Variants in CTNND2 observed in about 807,000 individuals in gnomAD.
CTNND2 encodes the protein catenin delta-2.
Under a neutral mutation model 144.4 loss-of-function variants are expected in CTNND2, and 22 were observed. That is an observed-to-expected ratio of 0.15 (90% CI 0.11 to 0.22). CTNND2 has a LOEUF of 0.22. CTNND2 is among the 10% of genes least tolerant of loss of function. CTNND2 has a pLI of 1.00. For missense variants in CTNND2, 1,353 were observed against 1,618.8 expected, an observed-to-expected ratio of 0.84 and a Z score of 2.82; for synonymous variants, 751 against 695.6, an observed-to-expected ratio of 1.08 and a Z score of -1.25.
intron 14 of CTNND2, among the ~76,000 whole-genome samples, chr5:11,110,578 C>T (rs1021980703): frequency 2.6e-5 from 4 of 152,120 alleles, no homozygotes; most frequent in Admixed American, 6.5e-5. Context: ...ATTAACACAG[C>T]GCCTGCTCAG....
intron 18 of CTNND2, among the ~76,000 whole-genome samples, chr5:11,008,361 ATT>A (rs1266895530): frequency 1.3e-5 from 2 of 152,036 alleles, no homozygotes; most frequent in African/African-American, 4.8e-5. Context: ...TATAAGAGAG[ATT>A]TGGGGGGTCA....
At chr5:11,877,292 C>T (rs934874293) in intron 1 of CTNND2, among the ~76,000 whole-genome samples, 1 of 152,032 alleles carries the variant, frequency 6.6e-6, no homozygotes, top group Non-Finnish European at 1.5e-5. Flanking sequence ...GAGATGAGTA[C>T]TTAGTTCACT....
At chr5:11,894,820 G>A (rs1400329998) in intron 1 of CTNND2, among the ~76,000 whole-genome samples, 1 of 152,192 alleles carries the variant, frequency 6.6e-6, no homozygotes, top group Non-Finnish European at 1.5e-5. Flanking sequence ...CCAGGGTGCT[G>A]CAGTGTCTGT....
intron 9 of CTNND2, among the ~76,000 whole-genome samples, chr5:11,321,233 T>C (rs1752000405): frequency 6.6e-6 from 1 of 152,202 alleles, no homozygotes; most frequent in Admixed American, 6.5e-5. Flanking sequence ...TCTACATATG[T>C]GTGTTGCAAC....
intron 9 of CTNND2, among the ~76,000 whole-genome samples, chr5:11,290,144 T>C (rs1291377931): frequency 1.3e-5 from 2 of 152,188 alleles, no homozygotes; most frequent in Non-Finnish European, 2.9e-5. Flanking sequence ...CATTTTTACA[T>C]GGTTTTACAA....
At chr5:11,064,576 T>G (rs1002650077) in intron 16 of CTNND2, among the ~76,000 whole-genome samples, 1 of 151,900 alleles carries the variant, frequency 6.6e-6, no homozygotes, top group Non-Finnish European at 1.5e-5. Context: ...ACTCTTCACA[T>G]GCAGTAAGGG....
intron 2 of CTNND2, among the ~76,000 whole-genome samples, chr5:11,615,063 T>C (rs537010365): frequency 5.9e-5 from 9 of 152,338 alleles, no homozygotes; most frequent in African/African-American, 1.9e-4. Context: ...CATTAAGCAA[T>C]GTAGAAGAGA....
At chr5:11,255,198 G>A (rs894038471) in intron 9 of CTNND2, among the ~76,000 whole-genome samples, 1 of 152,076 alleles carries the variant, frequency 6.6e-6, no homozygotes, top group Non-Finnish European at 1.5e-5. Context: ...GTAAATAGAA[G>A]AAGGGAAAAA....
At chr5:11,707,085 CAA>C (rs372658494) in intron 2 of CTNND2, among the ~76,000 whole-genome samples, 4,380 of 103,046 alleles carry the variant, frequency 0.043, 230 homozygotes, top group African/African-American at 0.14. Flanking sequence ...TACTCCATCT[CAA>C]AAAAAAAAAA....
Position 11,904,078 on chromosome 5 carries a change from G to T in CTNND2, c.-225C>A. 1 of 226,044 alleles carries T rather than the reference G, an allele frequency of 4.4e-6. No homozygotes were observed. Among genetic ancestry groups the T allele is most frequent in the Non-Finnish European group, 7.9e-6 (1 of 126,372 alleles). The allele number at this position is 226,044 out of a possible 1,614,324, so 14.0% of individuals were successfully genotyped here. The stretch of plus-strand genomic sequence containing the variant: ...GCGCCCGGCCCGGCGGCCCCTCCGA[G>T]CTCGGCGAGCGCAGCGCCCCCTGCC... On this transcript the variant is annotated 5_prime_UTR_variant, in exon 1 of 22. Transcript: ENST00000304623. This position sits in a 1 kb window ranked among gnomAD's most constrained non-coding sequence, Gnocchi z 4.2.
rs1467057463 is a variant in CTNND2 at position 11,612,162 on chromosome 5, A to T, written c.175-47106T>A. On this transcript the variant is annotated intron_variant, in intron 2 of 21. Transcript: ENST00000304623. ...GGCTGATAGATAGGAAATCCCAAAT[A>T]CCAGAAAGTAGACACTCCTTTCTGT... 2.0e-5 allele frequency among the ~76,000 whole-genome samples: 3 copies of T among 152,150 alleles called. No homozygotes were observed. In the East Asian group the frequency reaches 5.8e-4, roughly 29 times the overall value.
intron 3 of CTNND2, among the ~76,000 whole-genome samples, chr5:11,507,379 T>G (rs1317968812): frequency 6.6e-6 from 1 of 152,200 alleles, no homozygotes; most frequent in Non-Finnish European, 1.5e-5. Flanking sequence ...AAGAGCATAC[T>G]TTGTAGAGAT....
intron 1 of CTNND2, among the ~76,000 whole-genome samples, chr5:11,833,776 A>G (rs1234263431): frequency 1.3e-5 from 2 of 152,192 alleles, no homozygotes; most frequent in Non-Finnish European, 2.9e-5. Context: ...CACCCTCCTC[A>G]GTCTCCCAAA....
intron 9 of CTNND2, among the ~76,000 whole-genome samples, chr5:11,299,492 G>A (rs931537157): frequency 6.6e-5 from 10 of 152,084 alleles, no homozygotes; most frequent in African/African-American, 2.2e-4. Flanking sequence ...CTTGCATGAG[G>A]TACACCCAAG....
intron 9 of CTNND2, among the ~76,000 whole-genome samples, chr5:11,240,143 C>T (rs1215804736): frequency 2.2e-5 from 3 of 136,200 alleles, no homozygotes; most frequent in Non-Finnish European, 3.1e-5. Context: ...ACACACCCAA[C>T]ACACACACAC....
At chr5:11,679,488 AC>A (rs1255008805) in intron 2 of CTNND2, among the ~76,000 whole-genome samples, 1 of 152,212 alleles carries the variant, frequency 6.6e-6, no homozygotes, top group African/African-American at 2.4e-5. Context: ...TTTCTCTGAA[AC>A]AAAGTATGTA....
intron 1 of CTNND2, among the ~76,000 whole-genome samples, chr5:11,753,068 G>A (rs1788715943): frequency 1.3e-5 from 2 of 151,790 alleles, no homozygotes; most frequent in African/African-American, 2.4e-5. Context: ...TAAGATCTAC[G>A]AGCTCTGGGG....
intron 1 of CTNND2, among the ~76,000 whole-genome samples, chr5:11,805,037 T>C (rs555762653): frequency 1.1e-3 from 164 of 152,296 alleles, no homozygotes; most frequent in African/African-American, 3.4e-3. Context: ...AATGATGTTG[T>C]TTCCCATGGA....
intron 18 of CTNND2, among the ~76,000 whole-genome samples, chr5:10,999,050 T>A (rs1231175286): frequency 6.6e-6 from 1 of 152,214 alleles, no homozygotes; most frequent in African/African-American, 2.4e-5. Context: ...CACCACTCAT[T>A]ACAAACACCT....
Sources: gnomAD v4.1 joint callset for allele counts (sites outside exome capture counted in the v4.1 genomes callset) on GRCh38, gnomAD v4.1.1 for gene constraint, Gnocchi (gnomAD v3.1) non-coding constraint, MANE v1.5 for transcripts, NCBI Gene and HGNC (gene_info 2026-07-23, HGNC 2026-07-21) for gene names.